CDH9: variants seen among roughly 807,000 people sequenced by gnomAD.
CDH9 encodes cadherin 9, also known as cadherin-9.
Under a neutral mutation model 70.9 loss-of-function variants are expected in CDH9, and 28 were observed. That is an observed-to-expected ratio of 0.40 (90% CI 0.29 to 0.54). CDH9 has a LOEUF of 0.54. CDH9 is among the 20% of genes least tolerant of loss of function. The pLI, the probability that CDH9 is intolerant of heterozygous loss-of-function variation, is 0.59. For synonymous variants in CDH9, 409 were observed against 343.1 expected, an observed-to-expected ratio of 1.19 and a Z score of -2.12; for missense variants, 874 against 984.4, an observed-to-expected ratio of 0.89 and a Z score of 1.50.
At chr5:27,023,929 G>T (rs1008445635) in intron 1 of CDH9, among the ~76,000 whole-genome samples, 4 of 151,768 alleles carry the variant, frequency 2.6e-5, no homozygotes, top group African/African-American at 4.8e-5. Context: ...GTGGGCACCT[G>T]CAATTGCATC....
intron 2 of CDH9, among the ~76,000 whole-genome samples, chr5:26,957,645 G>A (rs540681313): frequency 1.3e-5 from 2 of 151,880 alleles, no homozygotes; most frequent in African/African-American, 4.8e-5. Flanking sequence ...CTGGGGAACA[G>A]AAGAGACGGT....
chr5:26,990,405 T>C (rs950932653), intron 1 of CDH9, among the ~76,000 whole-genome samples: 1 of 152,142 alleles, frequency 6.6e-6, no homozygotes, highest in Non-Finnish European at 1.5e-5. Context: ...TTAATACATA[T>C]ATATGGTTAA....
chr5:26,945,892 A>G (rs929851299), intron 2 of CDH9, among the ~76,000 whole-genome samples: 11 of 152,168 alleles, frequency 7.2e-5, no homozygotes, highest in Admixed American at 2.6e-4. Flanking sequence ...TCACTGGGGG[A>G]ACAGGCTTTA....
chr5:26,899,743 T>C (rs966519655), intron 7 of CDH9, among the ~76,000 whole-genome samples: 2 of 151,610 alleles, frequency 1.3e-5, no homozygotes, highest in African/African-American at 4.8e-5. Context: ...AGGGGAGGGA[T>C]AGCATTAGGA....
intron 2 of CDH9, among the ~76,000 whole-genome samples, chr5:26,962,523 G>A: frequency 6.6e-6 from 1 of 152,164 alleles, no homozygotes; most frequent in African/African-American, 2.4e-5. Context: ...TCTAACTGGT[G>A]TGAGTGGTAT....
At chr5:26,985,137 T>C (rs1742467293) in intron 2 of CDH9, among the ~76,000 whole-genome samples, 2 of 152,132 alleles carry the variant, frequency 1.3e-5, no homozygotes, top group African/African-American at 4.8e-5. Context: ...ATTCTGGACC[T>C]TTCACAGTGA....
At position 26,880,647 on chromosome 5, in the gene CDH9, T is replaced by C. The variant is rs1447067082; in HGVS notation, c.*489A>G. 6.6e-6 allele frequency: 1 copy of C among 152,432 alleles called. No individual in the cohort carries two copies. Among genetic ancestry groups the C allele is most frequent in the Non-Finnish European group, 1.5e-5 (1 of 67,960 alleles). 9.4% of individuals were successfully genotyped at this position (152,432 alleles called of 1,614,324 possible). The stretch of plus-strand genomic sequence containing the variant: ...TCATAAAAATACAAAAATATAAATA[T>C]ACATTTATAAAAATATGAATGAATT... On this transcript the variant is annotated 3_prime_UTR_variant, in exon 12 of 12. Transcript: ENST00000231021.
At chr5:26,961,238 A>C (rs1005626097) in intron 2 of CDH9, among the ~76,000 whole-genome samples, 25 of 152,182 alleles carry the variant, frequency 1.6e-4, no homozygotes, top group African/African-American at 6.0e-4. Flanking sequence ...ACATATGCAC[A>C]TACTTACCAT....
Position 26,880,901 on chromosome 5 carries a change from C to T in CDH9, c.*235G>A, listed in dbSNP as rs1470671479. The T allele has an allele frequency of 1.0e-4, 36 of 348,402 alleles. No individual in the cohort carries two copies. In the East Asian group the frequency reaches 1.5e-3, roughly 14 times the overall value. 21.6% of individuals were successfully genotyped at this position (348,402 alleles called of 1,614,324 possible). The stretch of plus-strand genomic sequence containing the variant: ...TTGATTATTGATGTGATATATTTTC[C>T]TTCCGAGATTGTTAGGCAAAGAGGG... On this transcript the variant is annotated 3_prime_UTR_variant, in exon 12 of 12. Transcript: ENST00000231021.
intron 2 of CDH9, among the ~76,000 whole-genome samples, chr5:26,949,099 G>A (rs533158456): frequency 6.6e-6 from 1 of 152,260 alleles, no homozygotes; most frequent in African/African-American, 2.4e-5. Context: ...TCTAGGCTTA[G>A]GGTTAGGATT....
intron 1 of CDH9, among the ~76,000 whole-genome samples, chr5:27,032,008 T>A (rs897347966): frequency 4.0e-5 from 6 of 151,840 alleles, no homozygotes; most frequent in African/African-American, 1.4e-4. Context: ...TATTTAGCTA[T>A]TGAAAAACCA....
chr5:26,898,851 C>T (rs1740799895), intron 7 of CDH9, among the ~76,000 whole-genome samples: 2 of 152,096 alleles, frequency 1.3e-5, no homozygotes, highest in South Asian at 4.1e-4. Flanking sequence ...GGCTTCTGCA[C>T]AGCAAAAGAA....
intron 1 of CDH9, among the ~76,000 whole-genome samples, chr5:26,992,747 G>A (rs1164518288): frequency 6.6e-6 from 1 of 152,120 alleles, no homozygotes; most frequent in Non-Finnish European, 1.5e-5. Flanking sequence ...GATGATTCTG[G>A]TGAGGTCATA....
At position 26,905,841 on chromosome 5, in the gene CDH9, G is replaced by GT. The variant is rs60558815; in HGVS notation, c.811+117dup. ...TTTTTTGGTAGAGGAATGGATTATG[G>GT]TTTTTTCTTTATGCATAAACCAATA... On this transcript the variant is annotated intron_variant, in intron 5 of 11. Coordinates refer to ENST00000231021, the MANE Select transcript of CDH9 (RefSeq NM_016279.4). 2.6e-5 allele frequency: 19 copies of GT among 733,660 alleles called. No individual in the cohort carries two copies. In the Admixed American group the frequency reaches 3.1e-4, roughly 12 times the overall value. The allele number at this position is 733,660 out of a possible 1,614,324, so 45.4% of individuals were successfully genotyped here.
chr5:26,933,386 G>C lies in CDH9; in HGVS notation c.229-17462C>G, dbSNP rs535908583. ...AAATAAATAGGAAAAAGGGAAAGAAGTCAATGAAATCGACAATGAGAGATC... is the reference window on the plus strand; with the variant it reads ...AAATAAATAGGAAAAAGGGAAAGAACTCAATGAAATCGACAATGAGAGATC... On this transcript the variant is annotated intron_variant, in intron 2 of 11. Coordinates refer to ENST00000231021, the MANE Select transcript of CDH9 (RefSeq NM_016279.4). Among the ~76,000 whole-genome samples the C allele has an allele frequency of 6.6e-5, 10 of 151,802 alleles. No homozygotes were observed. In the East Asian group the frequency reaches 1.9e-3, roughly 29 times the overall value.
chr5:27,035,090 T>C (rs908289360), intron 1 of CDH9, among the ~76,000 whole-genome samples: 63 of 150,954 alleles, frequency 4.2e-4, no homozygotes, highest in African/African-American at 1.5e-3. Flanking sequence ...TATCTGTCTA[T>C]CATCTCTTTA....
chr5:26,886,550 A>T (rs1740570239), intron 9 of CDH9, among the ~76,000 whole-genome samples: 1 of 151,942 alleles, frequency 6.6e-6, no homozygotes, highest in South Asian at 2.1e-4. Flanking sequence ...AATATTATTA[A>T]TATATTTTTA....
chr5:27,023,571 A>G (rs1743174952), intron 1 of CDH9, among the ~76,000 whole-genome samples: 1 of 152,006 alleles, frequency 6.6e-6, no homozygotes, highest in Non-Finnish European at 1.5e-5. Context: ...TGTTTGCTGC[A>G]GGGTCACTTT....
At chr5:26,941,253 C>A (rs1453320578) in intron 2 of CDH9, among the ~76,000 whole-genome samples, 3 of 152,190 alleles carry the variant, frequency 2.0e-5, no homozygotes, top group Non-Finnish European at 4.4e-5. Context: ...GAGATGAATG[C>A]AGATTGGTTT....
Sources: allele counts gnomAD v4.1 joint callset (sites outside exome capture counted in the v4.1 genomes callset), GRCh38; gene constraint gnomAD v4.1.1; transcripts MANE v1.5; gene names NCBI Gene and HGNC (gene_info 2026-07-23, HGNC 2026-07-21).